Variants in CDC5L observed in about 807,000 individuals in gnomAD.
The protein encoded by CDC5L is cell division cycle 5-like protein.
CDC5L carries 18 observed loss-of-function variants against 104.1 expected under a neutral mutation model. The observed-to-expected ratio is 0.17, with a 90% CI of 0.12 to 0.26. The LOEUF (loss-of-function observed/expected upper bound fraction) is 0.26, where lower values mean the gene tolerates loss of function less well. Among genes scored for constraint, CDC5L ranks in the 10% least tolerant of loss-of-function variants. The pLI, the probability that CDC5L is intolerant of heterozygous loss-of-function variation, is 1.00. For missense variants in CDC5L, 673 were observed against 956.9 expected, an observed-to-expected ratio of 0.70 and a Z score of 3.91; for synonymous variants, 331 against 322.7, an observed-to-expected ratio of 1.03 and a Z score of -0.28.
intron 14 of CDC5L, among the ~76,000 whole-genome samples, chr6:44,443,216 A>G (rs778547681): frequency 7.3e-5 from 11 of 150,950 alleles, no homozygotes; most frequent in Non-Finnish European, 1.3e-4. Context: ...TCTGCTGAGA[A>G]GCTATCTGAT....
intron 8 of CDC5L, among the ~76,000 whole-genome samples, chr6:44,412,053 AG>A (rs958646978): frequency 7.2e-5 from 11 of 152,206 alleles, no homozygotes; most frequent in African/African-American, 2.7e-4. Flanking sequence ...TGTTAATAAC[AG>A]GGGGCAATAA....
chr6:44,440,301 G>A lies in CDC5L; in HGVS notation c.2092-5354G>A, dbSNP rs977876169. On this transcript the variant is annotated intron_variant, in intron 14 of 15. Transcript: ENST00000371477. The stretch of plus-strand genomic sequence containing the variant: ...CTGTTGCTCAGGCTGGAGTGCAGTC[G>A]CCTGATCTTGGCTCATTGCAACCTC... Among the ~76,000 whole-genome samples, 177 of 149,182 alleles carry A rather than the reference G, an allele frequency of 1.2e-3. 1 individual carries two copies. The highest frequency in any genetic ancestry group is 1.7e-3 in the Non-Finnish European group (117 of 67,638).
intron 13 of CDC5L, among the ~76,000 whole-genome samples, chr6:44,427,774 C>T (rs1454573588): frequency 1.3e-5 from 2 of 152,042 alleles, no homozygotes; most frequent in East Asian, 1.9e-4. Context: ...AATCAGGCTA[C>T]GAAATTGATA....
chr6:44,420,209 G>A (rs1028845116), intron 9 of CDC5L, among the ~76,000 whole-genome samples: 6 of 152,196 alleles, frequency 3.9e-5, no homozygotes, highest in Middle Eastern at 3.4e-3. Flanking sequence ...ACCCTCATGC[G>A]CGTATGCCTA....
intron 14 of CDC5L, among the ~76,000 whole-genome samples, 183 bp downstream of exon 14, chr6:44,430,093 G>A (rs1792608836): frequency 6.6e-6 from 1 of 150,910 alleles, no homozygotes; most frequent in Non-Finnish European, 1.5e-5. Flanking sequence ...TTTTTTGTTT[G>A]TTTTGTTTTT....
intron 8 of CDC5L, 31 bp downstream of exon 8, chr6:44,408,663 T>A: frequency 2.0e-6 from 3 of 1,502,184 alleles, no homozygotes; most frequent in Non-Finnish European, 2.7e-6. Context: ...ATGAGGCTTT[T>A]ACTTTGTTTA....
At chr6:44,408,417 C>T in intron 7 of CDC5L, 27 bp from the exon 8 acceptor site, 1 of 1,571,084 alleles carries the variant, frequency 6.4e-7, no homozygotes. Context: ...TAAAATGTTG[C>T]TTACTATGAT....
At chr6:44,392,542 T>G in intron 2 of CDC5L, 125 bp from the exon 3 acceptor site, 1 of 761,772 alleles carries the variant, frequency 1.3e-6, no homozygotes. Flanking sequence ...CAGCAAATAT[T>G]CTGTTGTCAA....
chr6:44,411,631 A>T (rs368544284), intron 8 of CDC5L, among the ~76,000 whole-genome samples: 178 of 9,214 alleles, frequency 0.019, 3 homozygotes, highest in South Asian at 0.11. Flanking sequence ...AGAGAGAGAG[A>T]GAGAGAGTGT....
intron 6 of CDC5L, among the ~76,000 whole-genome samples, chr6:44,404,463 C>T (rs1489280442): frequency 6.6e-6 from 1 of 152,068 alleles, no homozygotes; most frequent in Non-Finnish European, 1.5e-5. Context: ...ATGTGGCCTA[C>T]ATATGGTTTT....
chr6:44,387,960 C>T (rs1421362269), intron 1 of CDC5L, 92 bp downstream of exon 1: 20 of 1,265,964 alleles, frequency 1.6e-5, no homozygotes, highest in Non-Finnish European at 2.1e-5. Flanking sequence ...ACGAGGAGAC[C>T]CTGTGGGGTC....
At chr6:44,441,932 CTTT>C (rs145016358) in intron 14 of CDC5L, among the ~76,000 whole-genome samples, 18 of 92,846 alleles carry the variant, frequency 1.9e-4, no homozygotes, top group African/African-American at 4.4e-5. Context: ...AGGTCTTGTT[CTTT>C]TTTTTTTTTT....
intron 5 of CDC5L, among the ~76,000 whole-genome samples, chr6:44,400,780 A>G (rs548348750): frequency 1.5e-3 from 235 of 152,300 alleles, no homozygotes; most frequent in Non-Finnish European, 2.5e-3. Context: ...CTGGGATAGC[A>G]TGGTTTGGGC....
intron 7 of CDC5L, 84 bp downstream of exon 7, chr6:44,406,551 C>A: frequency 1.6e-6 from 2 of 1,231,656 alleles, no homozygotes; most frequent in Non-Finnish European, 2.3e-6. Context: ...GGCCTGTGTA[C>A]CAGGTTTGTG....
chr6:44,431,209 CT>C (rs1363602642), intron 14 of CDC5L, among the ~76,000 whole-genome samples: 3 of 152,098 alleles, frequency 2.0e-5, no homozygotes, highest in Non-Finnish European at 2.9e-5. Flanking sequence ...CTGTGAACCT[CT>C]TTTTTTCTCA....
At chr6:44,406,544 C>T in intron 7 of CDC5L, 77 bp downstream of exon 7, 2 of 1,298,270 alleles carry the variant, frequency 1.5e-6, no homozygotes, top group Non-Finnish European at 2.2e-6. Context: ...GTTTGAAGGC[C>T]TGTGTACCAG....
At chr6:44,428,109 C>A (rs1241344389) in intron 13 of CDC5L, among the ~76,000 whole-genome samples, 1 of 152,136 alleles carries the variant, frequency 6.6e-6, no homozygotes, top group Non-Finnish European at 1.5e-5. Flanking sequence ...CATATTCTCT[C>A]GTAATGATTA....
At chr6:44,422,598 A>T (rs377063662) in intron 9 of CDC5L, 49 bp from the exon 10 acceptor site, 1 of 1,214,424 alleles carries the variant, frequency 8.2e-7, no homozygotes, top group Non-Finnish European at 1.1e-6. Flanking sequence ...TGAAAGCACA[A>T]TCCAAATGTA....
chr6:44,435,664 T>C (rs572524399), intron 14 of CDC5L: 1 of 153,092 alleles, frequency 6.5e-6, no homozygotes, highest in African/African-American at 2.4e-5. Context: ...CATCGTCCCC[T>C]GGTGGCTGTG....
Sources: allele counts gnomAD v4.1 joint callset (sites outside exome capture counted in the v4.1 genomes callset), GRCh38; gene constraint gnomAD v4.1.1; transcripts MANE v1.5; gene names NCBI Gene and HGNC (gene_info 2026-07-23, HGNC 2026-07-21).